ADK: variants seen among roughly 807,000 people sequenced by gnomAD.
ADK encodes adenosine kinase, also known as N6,N6-dimethyladenosine kinase.
A neutral mutation model predicts 44.7 loss-of-function variants in ADK; 24 were observed. The ratio of observed to expected loss-of-function variants is 0.54; its 90% CI spans 0.39 to 0.76. ADK has a LOEUF of 0.76. Among genes scored for constraint, ADK ranks in the 30% least tolerant of loss-of-function variants. The pLI, the probability that ADK is intolerant of heterozygous loss-of-function variation, is 0.00. For missense variants in ADK, 321 were observed against 425.1 expected, an observed-to-expected ratio of 0.76 and a Z score of 2.15; for synonymous variants, 128 against 142.6, an observed-to-expected ratio of 0.90 and a Z score of 0.73.
At chr10:74,402,593 T>G (rs1181227875) in intron 6 of ADK, among the ~76,000 whole-genome samples, 1 of 152,172 alleles carries the variant, frequency 6.6e-6, no homozygotes, top group African/African-American at 2.4e-5. Flanking sequence ...TTCAGCTCCA[T>G]CAGGTCATTT....
chr10:74,414,041 C>T (rs1844281193), intron 6 of ADK, among the ~76,000 whole-genome samples: 1 of 151,812 alleles, frequency 6.6e-6, no homozygotes, highest in East Asian at 1.9e-4. Context: ...TTGTGGCATC[C>T]CAAAACAATT....
At chr10:74,412,805 C>A (rs1157157635) in intron 6 of ADK, among the ~76,000 whole-genome samples, 3 of 152,148 alleles carry the variant, frequency 2.0e-5, no homozygotes, top group Non-Finnish European at 4.4e-5. Flanking sequence ...TGCCTGTAAT[C>A]CCAGCACTTT....
intron 1 of ADK, among the ~76,000 whole-genome samples, chr10:74,154,640 A>C (rs1026634761): frequency 6.6e-6 from 1 of 152,142 alleles, no homozygotes; most frequent in African/African-American, 2.4e-5. Flanking sequence ...TCGAAGTCAT[A>C]TATACCAAAC....
intron 4 of ADK, among the ~76,000 whole-genome samples, chr10:74,383,833 A>G (rs1325094987): frequency 6.6e-6 from 1 of 152,162 alleles, no homozygotes; most frequent in Non-Finnish European, 1.5e-5. Context: ...TTCTGCATAT[A>G]GTAAACATCC....
intron 7 of ADK, among the ~76,000 whole-genome samples, chr10:74,548,488 C>T (rs1245720546): frequency 3.9e-5 from 6 of 152,042 alleles, no homozygotes; most frequent in African/African-American, 9.7e-5. Flanking sequence ...AAGGGACACA[C>T]GATATCTGGG....
intron 1 of ADK, among the ~76,000 whole-genome samples, chr10:74,173,497 C>T (rs1842229862): frequency 6.6e-6 from 1 of 150,568 alleles, no homozygotes; most frequent in Admixed American, 6.6e-5. Context: ...GTGGAGCAAT[C>T]TCAGCTCACT....
chr10:74,365,881 T>G (rs1224875616), intron 4 of ADK, among the ~76,000 whole-genome samples: 4 of 152,212 alleles, frequency 2.6e-5, no homozygotes, highest in Admixed American at 6.5e-5. Flanking sequence ...TTATTTTATT[T>G]TCCAGTTTTA....
chr10:74,406,526 T>G (rs2395091), intron 6 of ADK, among the ~76,000 whole-genome samples: 13,327 of 135,864 alleles, frequency 0.098, 717 homozygotes, highest in Admixed American at 0.16. Context: ...ATAATAATAA[T>G]AAGAAGAAGA....
chr10:74,171,778 C>T (rs75719562), intron 1 of ADK, among the ~76,000 whole-genome samples: 22 of 151,394 alleles, frequency 1.5e-4, no homozygotes, highest in African/African-American at 4.6e-4. Context: ...TCTCTCTCAG[C>T]GCTCACTCTC....
intron 6 of ADK, among the ~76,000 whole-genome samples, chr10:74,483,145 T>A (rs1164048589): frequency 1.3e-5 from 2 of 152,128 alleles, no homozygotes; most frequent in Non-Finnish European, 2.9e-5. Context: ...GGACATCAGG[T>A]GTTTCCATAC....
chr10:74,465,715 C>T (rs544618104), intron 6 of ADK, among the ~76,000 whole-genome samples: 85 of 152,094 alleles, frequency 5.6e-4, no homozygotes, highest in African/African-American at 2.0e-3. Context: ...GAATAGTTTA[C>T]GAGAGAAATG....
At chr10:74,670,432 GGGTTTTACCAGA>G (rs1348070112) in intron 10 of ADK, among the ~76,000 whole-genome samples, 163 bp downstream of exon 10, 4 of 152,214 alleles carry the variant, frequency 2.6e-5, no homozygotes, top group Admixed American at 2.6e-4. Context: ...CAGTATTAGA[GGGTTTTACCAGA>G]GGAAAAATAT....
In ADK at chr10:74,356,014, T is replaced by TTTTTG. The variant is rs1842132547; in HGVS notation, c.274-38123_274-38122insGTTTT. 8.6e-5 allele frequency among the ~76,000 whole-genome samples: 11 copies of TTTTTG among 128,214 alleles called. 1 individual carries two copies. Among genetic ancestry groups the TTTTTG allele is most frequent in the Non-Finnish European group, 1.8e-4 (11 of 60,552 alleles). 84.1% of individuals were successfully genotyped at this position (128,214 alleles called of 152,430 possible). ...CACTAAATAATTCATTTTTTTTTTT[T>TTTTTG]TTTTTTTTTTTTTTTGAGACGGAGT... is the stretch of plus-strand genomic sequence containing the variant. On this transcript the variant is annotated intron_variant, in intron 4 of 10. Coordinates refer to ENST00000539909, the MANE Select transcript of ADK (RefSeq NM_006721.4).
At chr10:74,679,258 A>G (rs1355036194) in intron 10 of ADK, among the ~76,000 whole-genome samples, 1 of 152,202 alleles carries the variant, frequency 6.6e-6, no homozygotes, top group Non-Finnish European at 1.5e-5. Context: ...GTACCAGTCT[A>G]TGACATAAGA....
Position 74,310,569 on chromosome 10 carries a change from G to A in ADK, c.195-4098G>A, listed in dbSNP as rs144962290. 6.8e-3 allele frequency among the ~76,000 whole-genome samples: 1,042 copies of A among 152,148 alleles called. 5 individuals carry two copies. The highest frequency in any genetic ancestry group is 0.011 in the Non-Finnish European group (763 of 67,954). ...TACTTTGGTCTCGTCTCTCTATCCT[G>A]TCTTTCGTATGAGCTATTCTAAAGG... On this transcript the variant is annotated intron_variant, in intron 3 of 10. Coordinates refer to ENST00000539909, the MANE Select transcript of ADK (RefSeq NM_006721.4).
chr10:74,200,156 G>GTTT lies in ADK; in HGVS notation c.66-589_66-587dup, dbSNP rs760622376. 2.8e-3 allele frequency among the ~76,000 whole-genome samples: 279 copies of GTTT among 99,250 alleles called. 9 individuals are homozygous for GTTT. The highest frequency in any genetic ancestry group is 3.7e-3 in the African/African-American group (88 of 23,990). The allele number at this position is 99,250 out of a possible 152,430, so 65.1% of individuals were successfully genotyped here. On this transcript the variant is annotated intron_variant, in intron 1 of 10. Coordinates refer to ENST00000539909, the MANE Select transcript of ADK (RefSeq NM_006721.4). Reference sequence around the variant, plus strand: ...TTTCTCTGCAACCTTGACACCATCTGTTTTTTTTTTTTTTTTTTTTTGACT... The same window carrying GTTT: ...TTTCTCTGCAACCTTGACACCATCTGTTTTTTTTTTTTTTTTTTTTTTTTGACT...
chr10:74,596,767 A>G (rs1239697455), intron 8 of ADK, among the ~76,000 whole-genome samples: 1 of 152,066 alleles, frequency 6.6e-6, no homozygotes, highest in Non-Finnish European at 1.5e-5. Flanking sequence ...GGCTAGTCTC[A>G]AACTCCTAGG....
At chr10:74,336,866 T>C (rs1841426459) in intron 4 of ADK, among the ~76,000 whole-genome samples, 1 of 152,166 alleles carries the variant, frequency 6.6e-6, no homozygotes, top group Non-Finnish European at 1.5e-5. Context: ...ATTTAGGGAA[T>C]AATGACAAGA....
intron 6 of ADK, among the ~76,000 whole-genome samples, chr10:74,424,442 G>A (rs1844708423): frequency 6.8e-6 from 1 of 147,834 alleles, no homozygotes; most frequent in Non-Finnish European, 1.5e-5. Context: ...GCTGAGGCAG[G>A]AGAATTGCTT....
Sources: allele counts gnomAD v4.1 joint callset (sites outside exome capture counted in the v4.1 genomes callset), GRCh38; gene constraint gnomAD v4.1.1; transcripts MANE v1.5; gene names NCBI Gene and HGNC (gene_info 2026-07-23, HGNC 2026-07-21).